PMPCB: variants seen among roughly 807,000 people sequenced by gnomAD.
PMPCB encodes the protein mitochondrial-processing peptidase subunit beta.
A neutral mutation model predicts 61.5 loss-of-function variants in PMPCB; 46 were observed. The ratio of observed to expected loss-of-function variants is 0.75; its 90% CI spans 0.59 to 0.96. The LOEUF (loss-of-function observed/expected upper bound fraction) is 0.96, where lower values mean the gene tolerates loss of function less well. Among genes scored for constraint, PMPCB ranks in the 40% least tolerant of loss-of-function variants. The pLI is 0.00. For missense variants in PMPCB, 590 were observed against 602.4 expected, an observed-to-expected ratio of 0.98 and a Z score of 0.22; for synonymous variants, 191 against 201.6, an observed-to-expected ratio of 0.95 and a Z score of 0.44.
At chr7:103,338,312 T>A in the PMPCB span, among the ~76,000 whole-genome samples, 1 of 151,186 alleles carries the variant, frequency 6.6e-6, no homozygotes, top group African/African-American at 2.4e-5. Context: ...ATTTTATTTT[T>A]TTGAGACGGA....
chr7:103,319,789 ACTT>A, intron 12 of PMPCB: 1 of 1,614,188 alleles, frequency 6.2e-7, no homozygotes, highest in Non-Finnish European at 8.5e-7. Context: ...AAGTTTTTCC[ACTT>A]CTTCCATCAT....
chr7:103,328,165 A>G (rs969553874), intron 12 of PMPCB, among the ~76,000 whole-genome samples: 1 of 151,228 alleles, frequency 6.6e-6, no homozygotes, highest in Non-Finnish European at 1.5e-5. Context: ...CAGGTGATCC[A>G]CCCGCCTCGG....
At chr7:103,338,431 G>T in the PMPCB span, among the ~76,000 whole-genome samples, 11 of 149,774 alleles carry the variant, frequency 7.3e-5, no homozygotes, top group East Asian at 2.3e-3. Context: ...CAAGTTGCTG[G>T]GATTACAGGT....
intron 1 of PMPCB, 110 bp downstream of exon 1, chr7:103,297,668 C>A: frequency 6.5e-7 from 1 of 1,546,662 alleles, no homozygotes; most frequent in Non-Finnish European, 8.7e-7. Context: ...AGGGCCTCCT[C>A]GACCCGGACC....
chr7:103,326,485 A>T, intron 12 of PMPCB: 4 of 1,554,314 alleles, frequency 2.6e-6, no homozygotes, highest in Non-Finnish European at 3.5e-6. Flanking sequence ...AGAAACCTGG[A>T]AGACTACAAT....
exon 13 of PMPCB, chr7:103,328,994 C>A: frequency 7.8e-7 from 1 of 1,277,998 alleles, no homozygotes; most frequent in South Asian, 1.3e-5. Flanking sequence ...AAAAGGCAAA[C>A]TATTTCATAC....
chr7:103,345,050 C>T, the PMPCB span: 1 of 343,972 alleles, frequency 2.9e-6, no homozygotes. Context: ...AGTGATTTTC[C>T]CAGGAGCGCT....
downstream of PMPCB, chr7:103,315,809 C>T (rs771802968): frequency 6.8e-6 from 11 of 1,613,704 alleles, no homozygotes; most frequent in African/African-American, 2.7e-5. Context: ...TGAGGTACCA[C>T]TCCATGTTCT....
intron 3 of PMPCB, 84 bp from the exon 4 acceptor site, chr7:103,300,094 T>G (rs1817407397): frequency 1.5e-6 from 2 of 1,311,910 alleles, no homozygotes; most frequent in Non-Finnish European, 2.1e-6. Context: ...AACTAACTTA[T>G]GTCCTCCATA....
At chr7:103,316,180 T>G (rs1395601371), downstream of PMPCB, 1 of 747,656 alleles carries the variant, frequency 1.3e-6, no homozygotes, top group Non-Finnish European at 2.1e-6. Flanking sequence ...GCAGAAAGGT[T>G]ATAGTATGTA....
At chr7:103,322,898 T>A in intron 12 of PMPCB, 1 of 914,398 alleles carries the variant, frequency 1.1e-6, no homozygotes, top group Non-Finnish European at 1.6e-6. Flanking sequence ...ATCCTAGAGG[T>A]TAAAATGCTG....
chr7:103,305,719 C>T (rs1048897703), intron 6 of PMPCB, among the ~76,000 whole-genome samples: 1 of 152,210 alleles, frequency 6.6e-6, no homozygotes, highest in African/African-American at 2.4e-5. Context: ...AAGATGAAAA[C>T]ATTAAATATC....
At position 103,303,933 on chromosome 7, in the gene PMPCB, G is replaced by A. The variant is rs756382426; in HGVS notation, c.549G>A (p.Gln183=). 6.2e-7 allele frequency: 1 copy of A among 1,613,602 alleles called. No individual in the cohort carries two copies. The highest frequency in any genetic ancestry group is 2.2e-5 in the East Asian group (1 of 44,858). The change falls in exon 5 of 13, where the codon CAG becomes CAA. Residue 183 remains glutamine (Q), a synonymous_variant. Transcript: ENST00000249269. The stretch of plus-strand genomic sequence containing the variant: ...GTGGAGTAATCCTTAGAGAGATGCA[G>A]GAAGTTGAAACCAATTTACAAGAAG... The part of the protein sequence containing the change: ...RERGVILREM[Q]EVETNLQEVV...
the PMPCB span, among the ~76,000 whole-genome samples, chr7:103,340,609 C>T: frequency 2.8e-4 from 42 of 152,214 alleles, no homozygotes; most frequent in Non-Finnish European, 4.1e-4. Context: ...TATCTGGGAA[C>T]TTTCCCAAGG....
In PMPCB at chr7:103,312,490, C is replaced by A. The variant is rs1269382307; in HGVS notation, c.*219C>A. 8 of 1,566,858 alleles carry A rather than the reference C, an allele frequency of 5.1e-6. No individual in the cohort carries two copies. Among genetic ancestry groups the A allele is most frequent in the Non-Finnish European group, 6.9e-6 (8 of 1,160,458 alleles). Reference sequence around the variant, plus strand: ...GAAGCAGCATACTTTCAAATTATTACCATGAGTATAATTTTAAGAATGAAA... The same window carrying A: ...GAAGCAGCATACTTTCAAATTATTAACATGAGTATAATTTTAAGAATGAAA... On this transcript the variant is annotated 3_prime_UTR_variant, in exon 13 of 13. Coordinates refer to ENST00000249269, the MANE Select transcript of PMPCB (RefSeq NM_004279.3).
Position 103,297,467 on chromosome 7 carries a change from C to A in PMPCB, c.8C>A (p.Ala3Asp), listed in dbSNP as rs138251541. MA[A>D]AAARVVLSSA... The stretch of plus-strand genomic sequence containing the variant: ...ACCTTCCTTCTAGCAGAAATGGCGG[C>A]TGCGGCGGCTCGAGTGGTGTTGTCA... The change falls in exon 1 of 13, where the codon GCT becomes GAT. Residue 3 changes from alanine to aspartate, a missense_variant. Physicochemically the swap from Ala to Asp is moderately radical, Grantham distance 126 (BLOSUM62 -2). Transcript: ENST00000249269. 2 of 1,543,628 alleles carry A rather than the reference C, an allele frequency of 1.3e-6. No homozygotes were observed. The highest frequency in any genetic ancestry group is 1.4e-5 in the African/African-American group (1 of 72,710).
intron 4 of PMPCB, 35 bp downstream of exon 4, chr7:103,300,342 T>C (rs1388366291): frequency 6.7e-7 from 1 of 1,502,430 alleles, no homozygotes; most frequent in Non-Finnish European, 9.0e-7. Context: ...ATAATGTAAT[T>C]TTCATGAGAA....
At chr7:103,302,064 C>G (rs1166358686) in intron 4 of PMPCB, among the ~76,000 whole-genome samples, 1 of 152,042 alleles carries the variant, frequency 6.6e-6, no homozygotes, top group Non-Finnish European at 1.5e-5. Context: ...GGTTTTTTGT[C>G]CTTGTGATAG....
In PMPCB at chr7:103,312,263, C is replaced by A; in HGVS notation, c.1462C>A (p.Arg488Ser). ...GATACGCAGTAACATGTGTTGGCTTCGTGATTAAAATGCTCCTAATCAAGA... is the reference window on the plus strand; with the variant it reads ...GATACGCAGTAACATGTGTTGGCTTAGTGATTAAAATGCTCCTAATCAAGA... ...KQIRSNMCWL[R>S]D Residue 488 changes from arginine to serine, a missense_variant, in exon 13 of 13, where the codon CGT (arginine) becomes AGT (serine). By Grantham distance (110) the Arg-to-Ser change is moderately radical. Transcript: ENST00000249269. 1 of 1,610,740 alleles carries A rather than the reference C, an allele frequency of 6.2e-7. No individual in the cohort carries two copies. The highest frequency in any genetic ancestry group is 8.5e-7 in the Non-Finnish European group (1 of 1,179,858).
Sources: allele counts gnomAD v4.1 joint callset (sites outside exome capture counted in the v4.1 genomes callset), GRCh38; gene constraint gnomAD v4.1.1; transcripts MANE v1.5; gene names NCBI Gene and HGNC (gene_info 2026-07-23, HGNC 2026-07-21).